The following DOCK3 variants were observed in gnomAD, a reference collection of about 807,000 sequenced individuals.
DOCK3 encodes the protein dedicator of cytokinesis 3, also known as dedicator of cytokinesis protein 3.
In DOCK3, 60 loss-of-function variants were observed where a neutral mutation model predicts 265.6. That is an observed-to-expected ratio of 0.23 (90% confidence interval 0.18 to 0.28). The LOEUF is 0.28. DOCK3 is among the 10% of genes least tolerant of loss of function. The probability of loss-of-function intolerance (pLI) is 1.00; values close to 1 mark genes in which losing one functional copy is unlikely to be tolerated. For synonymous variants in DOCK3, 881 were observed against 938.0 expected, an observed-to-expected ratio of 0.94 and a Z score of 1.11; for missense variants, 1,981 against 2,594.3, an observed-to-expected ratio of 0.76 and a Z score of 5.14.
chr3:50,851,084 C>T (rs573894482), intron 3 of DOCK3, among the ~76,000 whole-genome samples: 12 of 152,292 alleles, frequency 7.9e-5, no homozygotes, highest in Admixed American at 5.9e-4. Context: ...GGGTGGCCAC[C>T]AAGCACTCAG....
Position 50,875,749 on chromosome 3 carries a change from G to A in DOCK3, c.163-14277G>A, listed in dbSNP as rs370596536. Among the ~76,000 whole-genome samples, 4 of 151,642 alleles carry A rather than the reference G, an allele frequency of 2.6e-5. No homozygotes were observed. The South Asian group carries it at 6.3e-4, about 24-fold the overall frequency. On this transcript the variant is annotated intron_variant, in intron 3 of 52. Transcript: ENST00000266037. Reference sequence around the variant, plus strand: ...TGCATTTATATTCATCAGGATTATCGGCCTATAGTTTTCTTGTTTGTTGTG... The same window carrying A: ...TGCATTTATATTCATCAGGATTATCAGCCTATAGTTTTCTTGTTTGTTGTG...
At chr3:50,930,491 C>G (rs1295859553) in intron 4 of DOCK3, among the ~76,000 whole-genome samples, 1 of 152,196 alleles carries the variant, frequency 6.6e-6, no homozygotes, top group African/African-American at 2.4e-5. Flanking sequence ...GCTACCTGCT[C>G]CTGGCCCCCT....
intron 5 of DOCK3, among the ~76,000 whole-genome samples, chr3:50,962,289 A>G (rs930856359): frequency 1.3e-5 from 2 of 152,210 alleles, no homozygotes; most frequent in African/African-American, 4.8e-5. Context: ...TAGGAAAGTC[A>G]TGATAGCTTA....
chr3:51,105,208 TATG>T (rs1388780079), intron 9 of DOCK3, among the ~76,000 whole-genome samples: 1 of 152,110 alleles, frequency 6.6e-6, no homozygotes, highest in African/African-American at 2.4e-5. Context: ...TCTTGGGCCT[TATG>T]TATAAAGAAG....
At chr3:51,080,493 T>C (rs1206812881) in intron 7 of DOCK3, among the ~76,000 whole-genome samples, 2 of 152,178 alleles carry the variant, frequency 1.3e-5, no homozygotes, top group Admixed American at 6.5e-5. Context: ...AAGGGAGGTA[T>C]TGGCTGACCA....
At chr3:50,862,867 G>T (rs1559738495) in intron 3 of DOCK3, among the ~76,000 whole-genome samples, 3 of 148,236 alleles carry the variant, frequency 2.0e-5, no homozygotes, top group Non-Finnish European at 4.4e-5. Context: ...CAAGGGTGGA[G>T]CCACCATGAA....
intron 5 of DOCK3, among the ~76,000 whole-genome samples, chr3:50,999,594 G>A (rs1250156102): frequency 6.6e-6 from 1 of 152,040 alleles, no homozygotes; most frequent in Non-Finnish European, 1.5e-5. Flanking sequence ...TATATTTCTG[G>A]TTAGAACCTT....
intron 33 of DOCK3, among the ~76,000 whole-genome samples, chr3:51,332,600 G>A (rs2084596900): frequency 6.6e-6 from 1 of 152,188 alleles, no homozygotes; most frequent in Non-Finnish European, 1.5e-5. Context: ...AGCACTTTGG[G>A]AGGTCGAGGC....
chr3:50,700,915 T>G (rs2035996002), intron 1 of DOCK3, among the ~76,000 whole-genome samples: 1 of 152,192 alleles, frequency 6.6e-6, no homozygotes, highest in African/African-American at 2.4e-5. Context: ...CTACCAACTG[T>G]GTATAAGAGT....
At chr3:51,350,751 C>T (rs949075602) in intron 40 of DOCK3, among the ~76,000 whole-genome samples, 6 of 152,172 alleles carry the variant, frequency 3.9e-5, no homozygotes, top group Non-Finnish European at 8.8e-5. Flanking sequence ...TATAGGGCAC[C>T]AGTAAAGCAC....
At chr3:51,147,252 T>C (rs1374076350) in intron 10 of DOCK3, among the ~76,000 whole-genome samples, 1 of 152,244 alleles carries the variant, frequency 6.6e-6, no homozygotes, top group Non-Finnish European at 1.5e-5. Context: ...TACAGCTTTG[T>C]AGTTTGTTAG....
intron 1 of DOCK3, among the ~76,000 whole-genome samples, chr3:50,750,127 G>T (rs1256691703): frequency 6.6e-6 from 1 of 152,086 alleles, no homozygotes; most frequent in Non-Finnish European, 1.5e-5. Flanking sequence ...AACTGTGTAT[G>T]TGAGGGATCT....
rs529031027 is a variant in DOCK3 at position 51,068,560 on chromosome 3, A to AAAAAAAAGAAG, written c.464+3966_464+3967insAAAAAGAAGAA. On this transcript the variant is annotated intron_variant, in intron 6 of 52. Transcript: ENST00000266037. ...GTCTGAAAAAAAAAAAAAAAAAAAA[A>AAAAAAAAGAAG]AAGAAGAAGAAGAAATGCTGCTATG... Among the ~76,000 whole-genome samples the AAAAAAAAGAAG allele has an allele frequency of 2.7e-4, 22 of 82,440 alleles. 2 individuals are homozygous for AAAAAAAAGAAG. The highest frequency in any genetic ancestry group is 5.4e-4 in the Admixed American group (3 of 5,522). The allele number at this position is 82,440 out of a possible 152,430, so 54.1% of individuals were successfully genotyped here.
chr3:50,845,215 C>A (rs1038508412), intron 3 of DOCK3, among the ~76,000 whole-genome samples: 4 of 151,680 alleles, frequency 2.6e-5, no homozygotes, highest in East Asian at 1.9e-4. Flanking sequence ...TCAAAAAAAA[C>A]CAACCAAACA....
At chr3:50,770,624 G>A (rs1264835449) in intron 1 of DOCK3, among the ~76,000 whole-genome samples, 1 of 152,078 alleles carries the variant, frequency 6.6e-6, no homozygotes, top group African/African-American at 2.4e-5. Flanking sequence ...GAAAGACCCA[G>A]AGTAGTCACA....
chr3:50,899,652 G>A (rs1049510464), intron 4 of DOCK3, among the ~76,000 whole-genome samples: 3 of 152,170 alleles, frequency 2.0e-5, no homozygotes, highest in African/African-American at 7.2e-5. Context: ...TCCTTCAGGA[G>A]CTCTTGTAAG....
At position 50,816,139 on chromosome 3, in the gene DOCK3, A is replaced by G. The variant is rs2044060502; in HGVS notation, c.122-25536A>G. 2.0e-5 allele frequency among the ~76,000 whole-genome samples: 3 copies of G among 152,148 alleles called. No individual in the cohort carries two copies. The East Asian group carries it at 5.8e-4, about 29-fold the overall frequency. ...TGGTTGATCTGTTGGGGCCTAGTGC[A>G]GGAGCTCAGTCCAAAACAATGACCT... is the stretch of plus-strand genomic sequence containing the variant. On this transcript the variant is annotated intron_variant, in intron 2 of 52. Transcript: ENST00000266037.
At chr3:51,225,909 T>A in intron 15 of DOCK3, 136 bp downstream of exon 15, 1 of 1,199,940 alleles carries the variant, frequency 8.3e-7, no homozygotes, top group Non-Finnish European at 1.1e-6. Flanking sequence ...TTTTTCTTTC[T>A]TGAAGAAAAC....
chr3:51,101,025 G>C (rs947682707), intron 9 of DOCK3, among the ~76,000 whole-genome samples: 1 of 149,314 alleles, frequency 6.7e-6, no homozygotes, highest in Non-Finnish European at 1.5e-5. Context: ...GACTGATCTC[G>C]AACTCTTGGC....
Sources: allele counts gnomAD v4.1 joint callset (sites outside exome capture counted in the v4.1 genomes callset), GRCh38; gene constraint gnomAD v4.1.1; transcripts MANE v1.5; gene names NCBI Gene and HGNC (gene_info 2026-07-23, HGNC 2026-07-21).